The following RALYL variants were observed in gnomAD, a reference collection of about 807,000 sequenced individuals.
The protein encoded by RALYL is RALY RNA binding protein like.
RALYL carries 29 observed loss-of-function variants against 35.1 expected under a neutral mutation model. The observed-to-expected ratio is 0.83, with a 90% CI of 0.61 to 1.13. The LOEUF (loss-of-function observed/expected upper bound fraction) is 1.13. Among genes scored for constraint, RALYL ranks in the 50% most tolerant of loss-of-function variants. RALYL has a pLI of 0.00. For synonymous variants in RALYL, 120 were observed against 127.6 expected, an observed-to-expected ratio of 0.94 and a Z score of 0.40; for missense variants, 359 against 360.4, an observed-to-expected ratio of 1.00 and a Z score of 0.03.
chr8:84,781,786 C>A (rs1478870171), intron 3 of RALYL, among the ~76,000 whole-genome samples: 3 of 152,164 alleles, frequency 2.0e-5, no homozygotes, highest in Non-Finnish European at 2.9e-5. Flanking sequence ...CAAAGTATTA[C>A]ATGAGCACAA....
chr8:84,620,019 C>T (rs955274392), intron 2 of RALYL, among the ~76,000 whole-genome samples: 3 of 151,930 alleles, frequency 2.0e-5, no homozygotes, highest in East Asian at 1.9e-4. Context: ...CTCTGGCTGC[C>T]CTTAACAATT....
At chr8:84,324,077 G>T (rs1275883325) in intron 1 of RALYL, among the ~76,000 whole-genome samples, 1 of 152,038 alleles carries the variant, frequency 6.6e-6, no homozygotes, top group Non-Finnish European at 1.5e-5. Flanking sequence ...GTGTGTGTTT[G>T]TGATAGTGTG....
In RALYL at chr8:84,270,808, T is replaced by C. The variant is rs543461104; in HGVS notation, c.-24+86384T>C. ...TGTTAAAAATTTAAAATTAATTTTG[T>C]TCTGAGTCTAACAAGTTATAGTGAA... On this transcript the variant is annotated intron_variant, in intron 1 of 8. Coordinates refer to ENST00000521268, the MANE Select transcript of RALYL (RefSeq NM_173848.7). 9.9e-5 allele frequency among the ~76,000 whole-genome samples: 15 copies of C among 152,250 alleles called. No individual in the cohort carries two copies. In the East Asian group the frequency reaches 2.9e-3, roughly 29 times the overall value.
intron 4 of RALYL, among the ~76,000 whole-genome samples, chr8:84,825,239 A>T (rs1316750611): frequency 6.6e-6 from 1 of 152,212 alleles, no homozygotes; most frequent in African/African-American, 2.4e-5. Flanking sequence ...CAAACATATG[A>T]GTAAATGGTC....
chr8:84,382,241 A>AT (rs1858143415), intron 1 of RALYL, among the ~76,000 whole-genome samples: 1 of 151,342 alleles, frequency 6.6e-6, no homozygotes, highest in Non-Finnish European at 1.5e-5. Context: ...AAAAAAAAAA[A>AT]AAAAACTGCA....
intron 2 of RALYL, among the ~76,000 whole-genome samples, chr8:84,633,409 A>G (rs1406683963): frequency 6.6e-6 from 1 of 151,880 alleles, no homozygotes; most frequent in African/African-American, 2.4e-5. Flanking sequence ...TGCACAATTT[A>G]AAATAGAAAA....
At chr8:84,657,779 A>T (rs190019640) in intron 2 of RALYL, among the ~76,000 whole-genome samples, 7 of 152,312 alleles carry the variant, frequency 4.6e-5, no homozygotes, top group African/African-American at 1.7e-4. Flanking sequence ...AGATGTTGCA[A>T]CAGGGCTACA....
intron 4 of RALYL, among the ~76,000 whole-genome samples, chr8:84,822,088 A>G (rs1377617681): frequency 6.6e-6 from 1 of 152,164 alleles, no homozygotes; most frequent in Non-Finnish European, 1.5e-5. Flanking sequence ...AAAAGATGAA[A>G]CACTTGTTGA....
intron 4 of RALYL, among the ~76,000 whole-genome samples, chr8:84,840,991 C>A (rs1833167811): frequency 6.6e-6 from 1 of 152,140 alleles, no homozygotes; most frequent in Non-Finnish European, 1.5e-5. Flanking sequence ...AAGGAACAAC[C>A]AGTACCAGCC....
intron 1 of RALYL, among the ~76,000 whole-genome samples, chr8:84,430,579 G>A (rs1477493957): frequency 6.6e-6 from 1 of 152,088 alleles, no homozygotes; most frequent in East Asian, 1.9e-4. Context: ...GTGAGTGTCA[G>A]TGGTTTACTC....
At chr8:84,517,590 C>T (rs1417896484) in intron 1 of RALYL, among the ~76,000 whole-genome samples, 3 of 152,104 alleles carry the variant, frequency 2.0e-5, no homozygotes, top group African/African-American at 7.2e-5. Context: ...TTATGTAAAG[C>T]ACTAGTAATC....
chr8:84,402,912 T>C (rs2043064398), intron 1 of RALYL, among the ~76,000 whole-genome samples: 1 of 152,172 alleles, frequency 6.6e-6, no homozygotes, highest in Non-Finnish European at 1.5e-5. Flanking sequence ...TGATGGCCAG[T>C]GATGATGAAC....
intron 2 of RALYL, among the ~76,000 whole-genome samples, chr8:84,641,719 T>C (rs892932017): frequency 1.3e-5 from 2 of 151,184 alleles, no homozygotes; most frequent in Non-Finnish European, 3.0e-5. Flanking sequence ...AGCACGTGTG[T>C]ATTTTGCTGA....
chr8:84,611,394 G>A lies in RALYL; in HGVS notation c.256+81817G>A, dbSNP rs145380842. ...ACCATCCCATTTTCTCTAGGACTGA[G>A]GCAGTTCACAGTTTTAAAACCAAGA... On this transcript the variant is annotated intron_variant, in intron 2 of 8. Transcript: ENST00000521268. Among the ~76,000 whole-genome samples the A allele has an allele frequency of 5.3e-3, 812 of 152,124 alleles. 4 individuals are homozygous for A. The highest frequency in any genetic ancestry group is 0.023 in the South Asian group (111 of 4,828).
chr8:84,687,736 T>C (rs1251874441), intron 2 of RALYL, among the ~76,000 whole-genome samples: 1 of 152,108 alleles, frequency 6.6e-6, no homozygotes. Context: ...ACTTCTTTTA[T>C]TTTCTGCAAA....
intron 1 of RALYL, among the ~76,000 whole-genome samples, chr8:84,442,066 G>T (rs1587301949): frequency 6.6e-6 from 1 of 152,060 alleles, no homozygotes; most frequent in Non-Finnish European, 1.5e-5. Flanking sequence ...TGAACATTTG[G>T]ATAACAGGGA....
chr8:84,686,346 C>A (rs1455502238), intron 2 of RALYL, among the ~76,000 whole-genome samples: 1 of 152,072 alleles, frequency 6.6e-6, no homozygotes, highest in Non-Finnish European at 1.5e-5. Context: ...AAGAGAACAT[C>A]ATGTTTGGCA....
At chr8:84,855,463 C>T (rs1254946010) in intron 5 of RALYL, among the ~76,000 whole-genome samples, 2 of 152,182 alleles carry the variant, frequency 1.3e-5, no homozygotes, top group Non-Finnish European at 2.9e-5. Context: ...CCTGTCTATT[C>T]GTGGTTTCAG....
At chr8:84,272,747 A>G (rs1051931910) in intron 1 of RALYL, among the ~76,000 whole-genome samples, 5 of 152,226 alleles carry the variant, frequency 3.3e-5, no homozygotes, top group Non-Finnish European at 5.9e-5. Context: ...TGAATGGCTC[A>G]TAAAATACAT....
Sources: allele counts gnomAD v4.1 joint callset (sites outside exome capture counted in the v4.1 genomes callset), GRCh38; gene constraint gnomAD v4.1.1; transcripts MANE v1.5; gene names NCBI Gene and HGNC (gene_info 2026-07-23, HGNC 2026-07-21).